The following CCDC158 variants were observed in gnomAD, a reference collection of about 807,000 sequenced individuals.
CCDC158 encodes coiled-coil domain containing 158.
Under a neutral mutation model 138.6 loss-of-function variants are expected in CCDC158, and 116 were observed. The observed-to-expected ratio is 0.84, with a 90% CI of 0.72 to 0.98. The LOEUF (loss-of-function observed/expected upper bound fraction) is 0.98. Ranked by LOEUF, CCDC158 falls within the 50% of genes least tolerant of loss-of-function variation. CCDC158 has a pLI of 0.00. For synonymous variants in CCDC158, 436 were observed against 442.4 expected (o/e 0.99, Z 0.18); for missense variants, 1,265 against 1,306.1 (o/e 0.97, Z 0.48).
At chr4:76,368,850 G>A (rs998708391) in intron 11 of CCDC158, among the ~76,000 whole-genome samples, 1 of 152,172 alleles carries the variant, frequency 6.6e-6, no homozygotes, top group African/African-American at 2.4e-5. Flanking sequence ...ACGTGAAAAG[G>A]CAATGGGATA....
At chr4:76,399,992 G>T (rs1352552935) in intron 3 of CCDC158, among the ~76,000 whole-genome samples, 1 of 152,112 alleles carries the variant, frequency 6.6e-6, no homozygotes, top group Non-Finnish European at 1.5e-5. Context: ...AGGATATGAG[G>T]AGAAAAGAGA....
chr4:76,351,084 A>G lies in CCDC158; in HGVS notation c.2576T>C (p.Leu859Ser), dbSNP rs762841488. 6.2e-7 allele frequency: 1 copy of G among 1,613,916 alleles called. No individual in the cohort carries two copies. The highest frequency in any genetic ancestry group is 8.5e-7 in the Non-Finnish European group (1 of 1,179,874). Reference protein sequence around the residue: ...QGPGYTSNSSLKPRLLQPASV... With the variant: ...QGPGYTSNSSSKPRLLQPASV... ...TGCTGGCTGGAGAAGGCGTGGTTTC[A>G]ATGAAGAATTTGAGGTGTATCCAGG... The change falls in exon 18 of 25, where the codon TTG becomes TCG. Residue 859 changes from leucine to serine, a missense_variant. Leu to Ser is a moderately radical substitution (Grantham distance 145, BLOSUM62 -2). Coordinates refer to ENST00000682701, the MANE Select transcript of CCDC158 (RefSeq NM_001394954.1).
At chr4:76,351,190 AT>A (rs1723007892) in intron 17 of CCDC158, 69 bp from the exon 18 acceptor site, 1 of 1,454,584 alleles carries the variant, frequency 6.9e-7, no homozygotes, top group Non-Finnish European at 9.2e-7. Flanking sequence ...TGAAATCAAA[AT>A]GTATTTTTTG....
intron 18 of CCDC158, among the ~76,000 whole-genome samples, chr4:76,347,333 A>G (rs1041622006): frequency 4.6e-5 from 7 of 152,168 alleles, no homozygotes; most frequent in African/African-American, 1.7e-4. Context: ...TATCCAGTCT[A>G]TCCAGGCACA....
At chr4:76,351,244 T>C in intron 17 of CCDC158, 123 bp from the exon 18 acceptor site, 3 of 892,120 alleles carry the variant, frequency 3.4e-6, no homozygotes, top group Non-Finnish European at 5.0e-6. Flanking sequence ...AAAATATGTC[T>C]GTAGCTTTAA....
At chr4:76,366,224 C>T (rs1314952698) in intron 12 of CCDC158, among the ~76,000 whole-genome samples, 1 of 152,052 alleles carries the variant, frequency 6.6e-6, no homozygotes, top group Non-Finnish European at 1.5e-5. Flanking sequence ...TTTCTATGTC[C>T]CTTTTCATGG....
At chr4:76,417,682 C>T (rs1270952144) in intron 1 of CCDC158, among the ~76,000 whole-genome samples, 4 of 152,158 alleles carry the variant, frequency 2.6e-5, no homozygotes, top group Non-Finnish European at 1.5e-5. Flanking sequence ...TCTTCCCACT[C>T]TCGGGTATGT....
intron 9 of CCDC158, among the ~76,000 whole-genome samples, chr4:76,376,942 G>A (rs993684670): frequency 6.6e-6 from 1 of 152,148 alleles, no homozygotes; most frequent in Admixed American, 6.5e-5. Flanking sequence ...TTACATTAGA[G>A]CAAAATAAGA....
At chr4:76,315,978 G>A (rs569912481) in intron 24 of CCDC158, among the ~76,000 whole-genome samples, 1 of 152,110 alleles carries the variant, frequency 6.6e-6, no homozygotes, top group African/African-American at 2.4e-5. Context: ...CTTGAGTTCC[G>A]GGCTTTTCCA....
rs1726364382 is a variant in CCDC158 at position 76,382,544 on chromosome 4, C to G, written c.914+66G>C. The stretch of plus-strand genomic sequence containing the variant: ...AAGCAAGTTCTAAAAGATTATAGAA[C>G]AGAAAGTTAATGAGAATAATATCTT... On this transcript the variant is annotated intron_variant, in intron 8 of 24. Transcript: ENST00000682701. The G allele has an allele frequency of 6.0e-6, 6 of 998,722 alleles. No homozygotes were observed. In the East Asian group the frequency reaches 1.5e-4, roughly 24 times the overall value. The allele number at this position is 998,722 out of a possible 1,614,324, so 61.9% of individuals were successfully genotyped here. A position where few individuals can be genotyped will look rare whatever the true frequency, so the allele number is the denominator to read the frequency against.
chr4:76,331,289 A>T, intron 21 of CCDC158, 55 bp downstream of exon 21: 1 of 1,447,460 alleles, frequency 6.9e-7, no homozygotes, highest in Non-Finnish European at 9.7e-7. Flanking sequence ...CTTTTGAATT[A>T]ATAATGAACA....
At chr4:76,368,619 TC>T (rs1724920058) in intron 11 of CCDC158, among the ~76,000 whole-genome samples, 1 of 152,140 alleles carries the variant, frequency 6.6e-6, no homozygotes, top group South Asian at 2.1e-4. Flanking sequence ...AAGAAGGCAG[TC>T]CACGTTTTGC....
chr4:76,371,344 C>A, intron 10 of CCDC158, 73 bp downstream of exon 10: 3 of 1,433,072 alleles, frequency 2.1e-6, no homozygotes, highest in Non-Finnish European at 2.9e-6. Flanking sequence ...ATAAAGGAAA[C>A]GAGTTTTGTG....
At chr4:76,351,298 C>A (rs553028317) in intron 17 of CCDC158, among the ~76,000 whole-genome samples, 177 bp from the exon 18 acceptor site, 1 of 131,064 alleles carries the variant, frequency 7.6e-6, no homozygotes, top group Admixed American at 7.6e-5. Flanking sequence ...GTAAAATGTA[C>A]GATTTAAAAA....
chr4:76,419,249 C>A (rs1729927083), intron 1 of CCDC158, among the ~76,000 whole-genome samples: 1 of 152,216 alleles, frequency 6.6e-6, no homozygotes, highest in Non-Finnish European at 1.5e-5. Context: ...CAAATCCTTT[C>A]TTTAGGATTT....
chr4:76,360,451 T>C (rs1227031647), intron 13 of CCDC158, among the ~76,000 whole-genome samples: 6 of 152,134 alleles, frequency 3.9e-5, no homozygotes, highest in Non-Finnish European at 7.4e-5. Context: ...CCTGGAAAAG[T>C]CATAGGCACT....
intron 18 of CCDC158, 101 bp from the exon 19 acceptor site, chr4:76,334,268 C>T: frequency 3.3e-6 from 4 of 1,203,308 alleles, no homozygotes; most frequent in Non-Finnish European, 4.6e-6. Context: ...TATGGAAAAG[C>T]AAGAAGAGGA....
intron 18 of CCDC158, among the ~76,000 whole-genome samples, chr4:76,339,119 C>T (rs1346572699): frequency 6.6e-6 from 1 of 151,854 alleles, no homozygotes; most frequent in Non-Finnish European, 1.5e-5. Flanking sequence ...CACATGGAGA[C>T]AAAGGACCAT....
chr4:76,384,487 C>G (rs1379676624), intron 5 of CCDC158, 69 bp downstream of exon 5: 4 of 1,540,722 alleles, frequency 2.6e-6, no homozygotes, highest in Non-Finnish European at 3.6e-6. Context: ...TTACTACAAA[C>G]AGTAAAACTT....
Sources: allele counts gnomAD v4.1 joint callset (sites outside exome capture counted in the v4.1 genomes callset), GRCh38; gene constraint gnomAD v4.1.1; transcripts MANE v1.5; gene names NCBI Gene and HGNC (gene_info 2026-07-23, HGNC 2026-07-21).